The following ACOT7 variants were observed in gnomAD, a reference collection of about 807,000 sequenced individuals.
The protein encoded by ACOT7 is cytosolic acyl coenzyme A thioester hydrolase.
A neutral mutation model predicts 40.2 loss-of-function variants in ACOT7; 12 were observed. That is an observed-to-expected ratio of 0.30 (90% CI 0.19 to 0.48). The LOEUF (loss-of-function observed/expected upper bound fraction) is 0.48. Ranked by LOEUF, ACOT7 falls within the 20% of genes least tolerant of loss-of-function variation. The pLI, the probability that ACOT7 is intolerant of heterozygous loss-of-function variation, is 0.99. For missense variants in ACOT7, 395 were observed against 530.8 expected (o/e 0.74, Z 2.51); for synonymous variants, 228 against 219.5 (o/e 1.04, Z -0.34).
rs1286011409 is a variant in ACOT7 at position 6,299,164 on chromosome 1, G to T, written c.713-4184C>A. Among the ~76,000 whole-genome samples, 2 of 152,218 alleles carry T rather than the reference G, an allele frequency of 1.3e-5. No homozygotes were observed. Among genetic ancestry groups the T allele is most frequent in the East Asian group, 3.9e-4 (2 of 5,184 alleles). ...GGCAGGTTGCCCTCCCTGAGCCGTG[G>T]GCTCAGTGTCTGTCAGGCAGAGGAG... On this transcript the variant is annotated intron_variant, in intron 6 of 8. Coordinates refer to ENST00000361521, the MANE Select transcript of ACOT7 (RefSeq NM_007274.4). The surrounding 1 kb of genome is among the most constrained non-coding windows in gnomAD (Gnocchi z 4.1).
intron 2 of ACOT7, among the ~76,000 whole-genome samples, chr1:6,344,081 G>A (rs946925187): frequency 2.0e-5 from 3 of 152,222 alleles, no homozygotes; most frequent in African/African-American, 7.2e-5. Flanking sequence ...GAGGAGGTAG[G>A]GGGAGCGTTG....
intron 1 of ACOT7, among the ~76,000 whole-genome samples, chr1:6,387,264 C>A (rs1431131392): frequency 6.6e-6 from 1 of 152,030 alleles, no homozygotes; most frequent in African/African-American, 2.4e-5. Context: ...CAAAACTCAG[C>A]AAACTGTACG....
In ACOT7 at chr1:6,294,766, C is replaced by T; in HGVS notation, c.829+98G>A. The T allele has an allele frequency of 1.1e-6, 1 of 884,330 alleles. No homozygotes were observed. The highest frequency in any genetic ancestry group is 1.5e-5 in the South Asian group (1 of 65,708). The allele number at this position is 884,330 out of a possible 1,614,324, so 54.8% of individuals were successfully genotyped here. On this transcript the variant is annotated intron_variant, in intron 7 of 8. Coordinates refer to ENST00000361521, the MANE Select transcript of ACOT7 (RefSeq NM_007274.4). This position sits in a 1 kb window ranked among gnomAD's most constrained non-coding sequence, Gnocchi z 4.6. Reference sequence around the variant, plus strand: ...TGTGGCAGATGGGCACACACCAAGGCCCACATGACCCTGGGTGTGAACAGA... The same window carrying T: ...TGTGGCAGATGGGCACACACCAAGGTCCACATGACCCTGGGTGTGAACAGA...
In ACOT7 at chr1:6,311,138, G is replaced by T. The variant is rs1640318490; in HGVS notation, c.712+7354C>A. Among the ~76,000 whole-genome samples the T allele has an allele frequency of 6.6e-6, 1 of 152,156 alleles. No homozygotes were observed. The highest frequency in any genetic ancestry group is 2.1e-4 in the South Asian group (1 of 4,816). On this transcript the variant is annotated intron_variant, in intron 6 of 8. Coordinates refer to ENST00000361521, the MANE Select transcript of ACOT7 (RefSeq NM_007274.4). This position sits in a 1 kb window ranked among gnomAD's most constrained non-coding sequence, Gnocchi z 5.2. ...TCTTCCCTGCCACATGCTCCATCCT[G>T]TGCTTCCCAGTACCATGGGAGCTGA... is the stretch of plus-strand genomic sequence containing the variant.
chr1:6,363,308 C>T lies in ACOT7; in HGVS notation c.144-13442G>A, dbSNP rs144257573. On this transcript the variant is annotated intron_variant, in intron 1 of 8. Coordinates refer to ENST00000361521, the MANE Select transcript of ACOT7 (RefSeq NM_007274.4). ...AGGCAGACCGTGGTTCCAGCAGTAG[C>T]GTCAGTGCCAAAGAAAAACACCCGC... is the stretch of plus-strand genomic sequence containing the variant. Among the ~76,000 whole-genome samples, 696 of 152,174 alleles carry T rather than the reference C, an allele frequency of 4.6e-3. 7 individuals carry two copies. Among genetic ancestry groups the T allele is most frequent in the African/African-American group, 0.016 (652 of 41,510 alleles).
intron 7 of ACOT7, among the ~76,000 whole-genome samples, chr1:6,293,627 G>T (rs772833028): frequency 6.6e-6 from 1 of 152,234 alleles, no homozygotes; most frequent in East Asian, 1.9e-4. Context: ...CTTGAGCACG[G>T]AAGTGCAAGG....
chr1:6,319,788 C>T lies in ACOT7; in HGVS notation c.626-1210G>A, dbSNP rs557793084. ...GGGGTCCTGGCAGGTCACCTAGCCC[C>T]GGCTCCTGGGTTGGGATCCGCCTTT... is the stretch of plus-strand genomic sequence containing the variant. On this transcript the variant is annotated intron_variant, in intron 5 of 8. Transcript: ENST00000361521. Among the ~76,000 whole-genome samples the T allele has an allele frequency of 1.8e-3, 273 of 152,356 alleles. 1 individual carries two copies. The highest frequency in any genetic ancestry group is 6.4e-3 in the African/African-American group (267 of 41,580).
chr1:6,318,612 G>C (rs1158616479), intron 5 of ACOT7, 34 bp from the exon 6 acceptor site: 1 of 1,603,830 alleles, frequency 6.2e-7, no homozygotes, highest in East Asian at 2.2e-5. Flanking sequence ...TAGTTATGGG[G>C]TAGGCTGATT....
At chr1:6,325,803 G>A (rs947072443) in intron 5 of ACOT7, among the ~76,000 whole-genome samples, 1 of 152,170 alleles carries the variant, frequency 6.6e-6, no homozygotes, top group African/African-American at 2.4e-5. Flanking sequence ...AGTCCCCTTT[G>A]GTGCTTATGT....
At position 6,350,739 on chromosome 1, in the gene ACOT7, C is replaced by T. The variant is rs897999239; in HGVS notation, c.144-873G>A. On this transcript the variant is annotated intron_variant, in intron 1 of 8. Coordinates refer to ENST00000361521, the MANE Select transcript of ACOT7 (RefSeq NM_007274.4). Reference sequence around the variant, plus strand: ...AGCTTGTGTAGCCTGCCCAGCCTTGCTGGACAGTGTGGGGGCCCCAGGAGC... The same window carrying T: ...AGCTTGTGTAGCCTGCCCAGCCTTGTTGGACAGTGTGGGGGCCCCAGGAGC... Among the ~76,000 whole-genome samples, 16 of 152,206 alleles carry T rather than the reference C, an allele frequency of 1.1e-4. 1 individual carries two copies. Among genetic ancestry groups the T allele is most frequent in the Non-Finnish European group, 1.0e-4 (7 of 68,022 alleles).
chr1:6,342,412 C>G (rs575154963), intron 2 of ACOT7, among the ~76,000 whole-genome samples: 1 of 152,168 alleles, frequency 6.6e-6, no homozygotes, highest in South Asian at 2.1e-4. Context: ...GAAAGACTTC[C>G]TTATCCTTTC....
chr1:6,367,934 T>A (rs985280312), intron 1 of ACOT7, among the ~76,000 whole-genome samples: 1 of 152,156 alleles, frequency 6.6e-6, no homozygotes, highest in Non-Finnish European at 1.5e-5. Context: ...CACAGCCAGG[T>A]CATCCCAGTG....
chr1:6,294,858 G>T lies in ACOT7; in HGVS notation c.829+6C>A. On this transcript the variant is annotated splice_donor_region_variant and intron_variant, in intron 7 of 8. Transcript: ENST00000361521. The surrounding 1 kb of genome is among the most constrained non-coding windows in gnomAD (Gnocchi z 4.6). The stretch of plus-strand genomic sequence containing the variant: ...CCTCCCTCGTCTTTGCCAGAAGAGT[G>T]GTTACCTTTTCTGATCTTGTCATGA... 6.2e-7 allele frequency: 1 copy of T among 1,612,368 alleles called. No homozygotes were observed. The highest frequency in any genetic ancestry group is 1.3e-5 in the African/African-American group (1 of 75,024).
Position 6,349,751 on chromosome 1 carries a change from C to T in ACOT7, c.259G>A (p.Gly87Arg), listed in dbSNP as rs200819032. 3.3e-5 allele frequency: 54 copies of T among 1,612,896 alleles called. No homozygotes were observed. The East Asian group carries it at 7.4e-4, about 22-fold the overall frequency. ...ISTRHCNSQN[G>R]ERCVAALARV... is the part of the protein sequence containing the mutation. Reference sequence around the variant, plus strand: ...AGGTATGGGGCCCAGACCCTTACCCCGTTCTGGCTGTTGCAATGCCGGGTG... The same window carrying T: ...AGGTATGGGGCCCAGACCCTTACCCTGTTCTGGCTGTTGCAATGCCGGGTG... The change falls in exon 2 of 9, where the codon GGG becomes AGG. Residue 87 changes from glycine to arginine, a missense_variant and splice_region_variant. By Grantham distance (125) the Gly-to-Arg change is moderately radical (BLOSUM62 -2). This residue lies in a region of ACOT7 where 309 missense variants were observed against 470.3 expected (regional missense o/e 0.66). Transcript: ENST00000361521.
At chr1:6,363,422 C>G (rs537006206) in intron 1 of ACOT7, among the ~76,000 whole-genome samples, 1 of 151,574 alleles carries the variant, frequency 6.6e-6, no homozygotes, top group Non-Finnish European at 1.5e-5. Context: ...GGCCTGACAT[C>G]AGTCAGGCCT....
intron 4 of ACOT7, among the ~76,000 whole-genome samples, chr1:6,331,467 C>T (rs866400666): frequency 1.3e-5 from 2 of 152,328 alleles, no homozygotes; most frequent in African/African-American, 4.8e-5. Context: ...CAATGGAGGG[C>T]GCAGGGCCTT....
At chr1:6,279,055 G>A (rs561577262) in intron 8 of ACOT7, among the ~76,000 whole-genome samples, 1 of 152,354 alleles carries the variant, frequency 6.6e-6, no homozygotes, top group African/African-American at 2.4e-5. Flanking sequence ...TCATGGGAGG[G>A]GCGTCGGGTC....
At chr1:6,335,077 T>C (rs1018800977) in intron 3 of ACOT7, among the ~76,000 whole-genome samples, 15 of 152,138 alleles carry the variant, frequency 9.9e-5, no homozygotes, top group Admixed American at 9.2e-4. Context: ...ACACCTGTAA[T>C]CCCAGCACTT....
chr1:6,340,764 G>A lies in ACOT7; in HGVS notation c.262-1175C>T, dbSNP rs564637773. Among the ~76,000 whole-genome samples, 7 of 152,144 alleles carry A rather than the reference G, an allele frequency of 4.6e-5. No homozygotes were observed. In the East Asian group the frequency reaches 1.2e-3, roughly 25 times the overall value. ...CACTATTCTTCTTTAGGCCGGGCGC[G>A]GTGGCTCATGACTATAATTCCAGAA... On this transcript the variant is annotated intron_variant, in intron 2 of 8. Transcript: ENST00000361521.
Sources: allele counts gnomAD v4.1 joint callset (sites outside exome capture counted in the v4.1 genomes callset), GRCh38; gene constraint gnomAD v4.1.1; regional missense constraint gnomAD v4.1.1; non-coding constraint Gnocchi (gnomAD v3.1); transcripts MANE v1.5; gene names NCBI Gene and HGNC (gene_info 2026-07-23, HGNC 2026-07-21).